ANKFY1: variants seen among roughly 807,000 people sequenced by gnomAD.
ANKFY1 encodes ankyrin repeat and FYVE domain containing 1.
In ANKFY1, 47 loss-of-function variants were observed where a neutral mutation model predicts 128.3. The ratio of observed to expected loss-of-function variants is 0.37; its 90% CI spans 0.29 to 0.47. The LOEUF is 0.47. ANKFY1 is among the 20% of genes least tolerant of loss of function. ANKFY1 has a pLI of 1.00. For missense variants in ANKFY1, 1,222 were observed against 1,510.6 expected, an observed-to-expected ratio of 0.81 and a Z score of 3.17; for synonymous variants, 553 against 601.6, an observed-to-expected ratio of 0.92 and a Z score of 1.18.
chr17:4,258,111 G>T (rs529124316), intron 1 of ANKFY1, among the ~76,000 whole-genome samples: 3 of 152,300 alleles, frequency 2.0e-5, no homozygotes, highest in African/African-American at 4.8e-5. Context: ...TAGTCACCAG[G>T]AAAGGGAGAG....
Position 4,177,130 on chromosome 17 carries a change from T to C in ANKFY1, c.2771A>G (p.Asn924Ser), listed in dbSNP as rs751500252. ...CAATACTTCTGTGTCACTTACCAAA[T>C]TGCGGACAATAATTTCTGAGCCTGC... ...VQAGSEIIVR[N>S]LLLAGAKVNE... The change falls in exon 19 of 25, where the codon AAT becomes AGT. Residue 924 changes from asparagine to serine, a missense_variant. Asn to Ser is a conservative substitution (Grantham distance 46). Coordinates refer to ENST00000341657, the MANE Select transcript of ANKFY1 (RefSeq NM_001330063.2). The C allele has an allele frequency of 1.3e-6, 2 of 1,584,412 alleles. No homozygotes were observed. Among genetic ancestry groups the C allele is most frequent in the Non-Finnish European group, 1.7e-6 (2 of 1,165,660 alleles).
Position 4,173,928 on chromosome 17 carries a change from C to T in ANKFY1, c.2904G>A (p.Val968=), listed in dbSNP as rs1373027638. The T allele has an allele frequency of 6.2e-7, 1 of 1,613,344 alleles. No homozygotes were observed. The highest frequency in any genetic ancestry group is 8.5e-7 in the Non-Finnish European group (1 of 1,179,556). Residue 968 remains valine (V), a synonymous_variant, in exon 20 of 25, where the codon GTG becomes GTA. Coordinates refer to ENST00000341657, the MANE Select transcript of ANKFY1 (RefSeq NM_001330063.2). ...LLENGVDFAA[V]DENGNNALHL... ...AGTTACCATTGTTTCCATTCTCATC[C>T]ACGGCAGCAAAGTCCACGCCATTCT...
rs1441968401 is a variant in ANKFY1 at position 4,177,165 on chromosome 17, G to C, written c.2736C>G (p.Leu912=). The C allele has an allele frequency of 6.3e-7, 1 of 1,599,910 alleles. No homozygotes were observed. Among genetic ancestry groups the C allele is most frequent in the South Asian group, 1.1e-5 (1 of 87,642 alleles). ...QDASKLTPLH[L]AVQAGSEIIV... ...TAATTTCTGAGCCTGCTTGGACAGC[G>C]AGGTGCAGGGGGGTCAACTTGGAGG... is the stretch of plus-strand genomic sequence containing the variant. Residue 912 remains leucine, a synonymous_variant, in exon 19 of 25, where the codon CTC becomes CTG. Transcript: ENST00000341657.
At chr17:4,245,329 G>T (rs369765088) in intron 1 of ANKFY1, among the ~76,000 whole-genome samples, 33 of 151,850 alleles carry the variant, frequency 2.2e-4, no homozygotes, top group African/African-American at 7.5e-4. Flanking sequence ...CCTCAGCCTC[G>T]AGAGTAGCTA....
chr17:4,258,429 A>G (rs760314718), intron 1 of ANKFY1, among the ~76,000 whole-genome samples: 13 of 151,696 alleles, frequency 8.6e-5, no homozygotes, highest in Non-Finnish European at 1.9e-4. Context: ...GGAGGCTGAG[A>G]TAGGAGAATG....
At chr17:4,189,043 T>C (rs2059662487) in intron 11 of ANKFY1, among the ~76,000 whole-genome samples, 1 of 152,070 alleles carries the variant, frequency 6.6e-6, no homozygotes, top group African/African-American at 2.4e-5. Context: ...CCCAAGCAAA[T>C]GTGAAGTGTT....
Position 4,217,113 on chromosome 17 carries a change from T to G in ANKFY1, c.328A>C (p.Asn110His). 1 of 1,609,886 alleles carries G rather than the reference T, an allele frequency of 6.2e-7. No homozygotes were observed. The highest frequency in any genetic ancestry group is 8.5e-7 in the Non-Finnish European group (1 of 1,177,550). ...STKELDLSDA[N>H]PEVTMTMLRW... ...AGCATTGTCATCGTCACCTCAGGATTAGCATCTGGTTAAAGAAAGAGAGAA... is the reference window on the plus strand; with the variant it reads ...AGCATTGTCATCGTCACCTCAGGATGAGCATCTGGTTAAAGAAAGAGAGAA... Residue 110 changes from asparagine to histidine, a missense_variant, in exon 4 of 25, where the codon AAT (asparagine) becomes CAT (histidine). Coordinates refer to ENST00000341657, the MANE Select transcript of ANKFY1 (RefSeq NM_001330063.2).
chr17:4,251,886 T>C (rs111665660), intron 1 of ANKFY1, among the ~76,000 whole-genome samples: 4,999 of 152,038 alleles, frequency 0.033, 272 homozygotes, highest in African/African-American at 0.12. Flanking sequence ...ACACAAAAAT[T>C]AGCTGGGTGC....
At chr17:4,263,791 A>T in intron 1 of ANKFY1, 141 bp downstream of exon 1, 1 of 1,592,902 alleles carries the variant, frequency 6.3e-7, no homozygotes, top group South Asian at 1.1e-5. Flanking sequence ...AGCTCCGGAG[A>T]GGCTAGACAG....
At chr17:4,201,890 C>T (rs1028132176) in intron 7 of ANKFY1, among the ~76,000 whole-genome samples, 10 of 152,094 alleles carry the variant, frequency 6.6e-5, no homozygotes, top group Non-Finnish European at 1.0e-4. Flanking sequence ...AAACTCCACA[C>T]GGATTTGGTA....
rs369054192 is a variant in ANKFY1 at position 4,196,625 on chromosome 17, G to A, written c.1103+748C>T. 9.2e-5 allele frequency among the ~76,000 whole-genome samples: 14 copies of A among 152,242 alleles called. No homozygotes were observed. In the East Asian group the frequency reaches 9.6e-4, roughly 10 times the overall value. On this transcript the variant is annotated intron_variant, in intron 8 of 24. Coordinates refer to ENST00000341657, the MANE Select transcript of ANKFY1 (RefSeq NM_001330063.2). ...AAGGGCCGTGCTATGGACAAAGGTA[G>A]CAAGCTGTGCAGATAAAGTGGGAGT...
rs1267382799 is a variant in ANKFY1, at chr17:4,169,583, T to C, written c.3287-295A>G. On this transcript the variant is annotated intron_variant, in intron 23 of 24. Transcript: ENST00000341657. This position sits in a 1 kb window ranked among gnomAD's most constrained non-coding sequence, Gnocchi z 5.0. ...GGGATGGCTGGGATGGAAGGCACGG[T>C]AGGGAGAGAACAGAGACCACACAGC... Among the ~76,000 whole-genome samples the C allele has an allele frequency of 6.6e-6, 1 of 151,830 alleles. No homozygotes were observed. The highest frequency in any genetic ancestry group is 6.6e-5 in the Admixed American group (1 of 15,242).
rs1286617645 is a variant in ANKFY1, at chr17:4,181,409, A to T, written c.2122-37T>A. ...CATAGGTTATTCACAAACACTGCTG[A>T]GCAAAGGCAAACAGTTTTATTACCA... On this transcript the variant is annotated intron_variant, in intron 15 of 24. Coordinates refer to ENST00000341657, the MANE Select transcript of ANKFY1 (RefSeq NM_001330063.2). This position sits in a 1 kb window ranked among gnomAD's most constrained non-coding sequence, Gnocchi z 4.9. The T allele has an allele frequency of 6.7e-7, 1 of 1,485,562 alleles. No individual in the cohort carries two copies. The highest frequency in any genetic ancestry group is 9.4e-7 in the Non-Finnish European group (1 of 1,063,352). 92.0% of individuals were successfully genotyped at this position (1,485,562 alleles called of 1,614,324 possible).
At chr17:4,196,502 C>G (rs965491207) in intron 8 of ANKFY1, among the ~76,000 whole-genome samples, 3 of 152,098 alleles carry the variant, frequency 2.0e-5, no homozygotes, top group African/African-American at 7.2e-5. Context: ...CACCACTGTC[C>G]CAAGACAAGT....
At position 4,242,261 on chromosome 17, in the gene ANKFY1, C is replaced by T; in HGVS notation, c.198G>A (p.Gln66=). 1.3e-6 allele frequency: 2 copies of T among 1,575,938 alleles called. No individual in the cohort carries two copies. The highest frequency in any genetic ancestry group is 1.7e-6 in the Non-Finnish European group (2 of 1,166,160). ...GTGTCTAGGAGCTCTCCCACCTGTA[C>T]TGCTCCTGCTCGTAGAGGTCTGCCA... ...AIVADLYEQE[Q]YSDLKIKVGD... Residue 66 remains glutamine, a synonymous_variant, in exon 2 of 25, where the codon CAG becomes CAA. Transcript: ENST00000341657.
intron 3 of ANKFY1, among the ~76,000 whole-genome samples, chr17:4,228,354 GC>G (rs1476728233): frequency 2.6e-5 from 4 of 151,758 alleles, no homozygotes; most frequent in African/African-American, 9.7e-5. Flanking sequence ...GAAGTGGATG[GC>G]AAAAGGGATG....
intron 19 of ANKFY1, among the ~76,000 whole-genome samples, chr17:4,175,222 AC>A (rs1161867567): frequency 1.3e-5 from 2 of 151,556 alleles, no homozygotes; most frequent in African/African-American, 4.8e-5. Flanking sequence ...AATCACAGCT[AC>A]TCGGGAGGAT....
At chr17:4,229,818 A>C (rs764468623) in intron 3 of ANKFY1, among the ~76,000 whole-genome samples, 3 of 152,224 alleles carry the variant, frequency 2.0e-5, no homozygotes, top group Non-Finnish European at 4.4e-5. Flanking sequence ...CAAAAGAGAG[A>C]GCTAGGAAGA....
intron 1 of ANKFY1, among the ~76,000 whole-genome samples, chr17:4,256,925 A>G (rs1003791559): frequency 1.8e-4 from 28 of 152,226 alleles, no homozygotes; most frequent in African/African-American, 6.5e-4. Flanking sequence ...GGCTGGTTTC[A>G]TAAGAGATGC....
Sources: allele counts gnomAD v4.1 joint callset (sites outside exome capture counted in the v4.1 genomes callset), GRCh38; gene constraint gnomAD v4.1.1; non-coding constraint Gnocchi (gnomAD v3.1); transcripts MANE v1.5; gene names NCBI Gene and HGNC (gene_info 2026-07-23, HGNC 2026-07-21).